Variants in KANK4 observed in about 807,000 individuals in gnomAD.
The protein encoded by KANK4 is KN motif and ankyrin repeat domain-containing protein 4.
In KANK4, 50 loss-of-function variants were observed where a neutral mutation model predicts 80.8. The ratio of observed to expected loss-of-function variants is 0.62; its 90% confidence interval spans 0.49 to 0.78. The LOEUF (loss-of-function observed/expected upper bound fraction) is 0.78. KANK4 is among the 30% of genes least tolerant of loss of function. KANK4 has a pLI of 0.00. For synonymous variants in KANK4, 465 were observed against 506.9 expected, an observed-to-expected ratio of 0.92 and a Z score of 1.11; for missense variants, 1,196 against 1,240.1, an observed-to-expected ratio of 0.96 and a Z score of 0.53.
At chr1:62,263,751 C>T (rs1281071509) in intron 6 of KANK4, among the ~76,000 whole-genome samples, 2 of 152,298 alleles carry the variant, frequency 1.3e-5, no homozygotes, top group African/African-American at 4.8e-5. Flanking sequence ...GCTGGAAAAT[C>T]GCAACATCTT....
At chr1:62,252,194 T>C (rs1671639404) in intron 8 of KANK4, among the ~76,000 whole-genome samples, 1 of 152,030 alleles carries the variant, frequency 6.6e-6, no homozygotes, top group African/African-American at 2.4e-5. Context: ...CTAGGTGACA[T>C]TTAAGGGCTC....
In KANK4 at chr1:62,274,531, A is replaced by AGGGAGGGC. The variant is rs1672259010; in HGVS notation, c.565_572dup (p.Leu193SerfsTer50). 6.2e-7 allele frequency: 1 copy of AGGGAGGGC among 1,613,884 alleles called. No individual in the cohort carries two copies. Among genetic ancestry groups the AGGGAGGGC allele is most frequent in the Admixed American group, 1.7e-5 (1 of 59,982 alleles). ...AGACACTGCCTTCACCCTGAAGGGG[A>AGGGAGGGC]GGGAGGGCAGGAGGGGCAGGGGGCC... On this transcript the variant is annotated frameshift_variant, in exon 3 of 10. Coordinates refer to ENST00000371153, the MANE Select transcript of KANK4 (RefSeq NM_181712.5). LOFTEE classifies it high-confidence loss of function.
rs542966086 is a variant in KANK4 at position 62,296,745 on chromosome 1, G to C, written c.-70-15111C>G. Among the ~76,000 whole-genome samples the C allele has an allele frequency of 4.3e-3, 652 of 151,980 alleles. 3 individuals are homozygous for C. Among genetic ancestry groups the C allele is most frequent in the African/African-American group, 0.01 (431 of 41,492 alleles). The stretch of plus-strand genomic sequence containing the variant: ...TTTTGAAACAGTGTTTTGGCATGTT[G>C]TCCAGGCTGGTCTTGAACTACTGGG... On this transcript the variant is annotated intron_variant, in intron 1 of 9. Coordinates refer to ENST00000371153, the MANE Select transcript of KANK4 (RefSeq NM_181712.5).
At chr1:62,318,200 C>T (rs1644558166) in intron 1 of KANK4, among the ~76,000 whole-genome samples, 1 of 152,160 alleles carries the variant, frequency 6.6e-6, no homozygotes, top group South Asian at 2.1e-4. Context: ...GGACTTTGCC[C>T]AGGCCTCAGG....
intron 1 of KANK4, among the ~76,000 whole-genome samples, chr1:62,305,885 C>A (rs1332203294): frequency 6.6e-6 from 1 of 152,178 alleles, no homozygotes; most frequent in Non-Finnish European, 1.5e-5. Flanking sequence ...AAGGAATTAT[C>A]ATCTCCATTT....
chr1:62,257,251 C>T (rs1025444630), intron 7 of KANK4, among the ~76,000 whole-genome samples: 6 of 152,126 alleles, frequency 3.9e-5, no homozygotes, highest in Non-Finnish European at 8.8e-5. Flanking sequence ...CCACGCCCGG[C>T]TCATTTTTGT....
At chr1:62,278,594 T>C (rs991433389) in intron 2 of KANK4, among the ~76,000 whole-genome samples, 1 of 151,288 alleles carries the variant, frequency 6.6e-6, no homozygotes. Context: ...GGGGTTTCAC[T>C]ATTTTGGCCA....
chr1:62,292,014 T>A (rs1672690118), intron 1 of KANK4, among the ~76,000 whole-genome samples: 1 of 152,140 alleles, frequency 6.6e-6, no homozygotes, highest in Non-Finnish European at 1.5e-5. Flanking sequence ...AATGCCCTAC[T>A]CGTTAGCAGT....
intron 9 of KANK4, among the ~76,000 whole-genome samples, chr1:62,241,857 C>A (rs566296850): frequency 6.6e-6 from 1 of 152,126 alleles, no homozygotes; most frequent in Admixed American, 6.6e-5. Flanking sequence ...ACAGTGTTTA[C>A]GGAGAAGAGC....
chr1:62,262,660 T>G (rs1570984492), intron 7 of KANK4, among the ~76,000 whole-genome samples: 1 of 152,260 alleles, frequency 6.6e-6, no homozygotes, highest in Non-Finnish European at 1.5e-5. Flanking sequence ...CATACATACA[T>G]TCCACGGAAT....
At chr1:62,279,231 CACACACACACAG>C (rs1260628909) in intron 2 of KANK4, among the ~76,000 whole-genome samples, 2,847 of 151,702 alleles carry the variant, frequency 0.019, 89 homozygotes, top group African/African-American at 0.062. Flanking sequence ...CACACACACA[CACACACACACAG>C]AGTGATCCAT....
chr1:62,266,825 T>C lies in KANK4; in HGVS notation c.2232-6A>G, dbSNP rs752161566. 1 of 1,546,286 alleles carries C rather than the reference T, an allele frequency of 6.5e-7. No individual in the cohort carries two copies. The stretch of plus-strand genomic sequence containing the variant: ...ATTCTTCTGAGGGTTTATATCTAAA[T>C]AAAACAAACATATATACACATATTT... On this transcript the variant is annotated splice_polypyrimidine_tract_variant and splice_region_variant and intron_variant, in intron 5 of 9. Coordinates refer to ENST00000371153, the MANE Select transcript of KANK4 (RefSeq NM_181712.5).
intron 9 of KANK4, among the ~76,000 whole-genome samples, chr1:62,244,019 C>T (rs1335445369): frequency 6.6e-6 from 1 of 151,920 alleles, no homozygotes; most frequent in African/African-American, 2.4e-5. Context: ...TTACCATCCC[C>T]TGTGTGCTCC....
intron 1 of KANK4, among the ~76,000 whole-genome samples, chr1:62,311,997 TA>T (rs1259730474): frequency 6.6e-6 from 1 of 152,164 alleles, no homozygotes; most frequent in Non-Finnish European, 1.5e-5. Context: ...TCGGGGGTCT[TA>T]ACCTTTTTTG....
intron 1 of KANK4, among the ~76,000 whole-genome samples, chr1:62,283,748 G>C (rs1672501858): frequency 1.3e-5 from 2 of 152,098 alleles, no homozygotes; most frequent in Admixed American, 1.3e-4. Context: ...CTGGACTTTT[G>C]GCTTCACAAA....
rs61573295 is a variant in KANK4 at position 62,276,777 on chromosome 1, C to CAAAAAAAAA, written c.17-1691_17-1690insTTTTTTTTT. On this transcript the variant is annotated intron_variant, in intron 2 of 9. Coordinates refer to ENST00000371153, the MANE Select transcript of KANK4 (RefSeq NM_181712.5). Reference sequence around the variant, plus strand: ...GGGCAACGATAGCAAAACTCCATCTCAAAAATAAGACTATTGTGAGGACTA... The same window carrying CAAAAAAAAA: ...GGGCAACGATAGCAAAACTCCATCTCAAAAAAAAAAAAAATAAGACTATTGTGAGGACTA... Among the ~76,000 whole-genome samples, 67 of 138,970 alleles carry CAAAAAAAAA rather than the reference C, an allele frequency of 4.8e-4. 5 individuals carry two copies. The highest frequency in any genetic ancestry group is 6.1e-4 in the Non-Finnish European group (40 of 65,128). 91.2% of individuals were successfully genotyped at this position (138,970 alleles called of 152,430 possible).
intron 8 of KANK4, among the ~76,000 whole-genome samples, chr1:62,252,085 G>A (rs576942441): frequency 1.3e-5 from 2 of 152,182 alleles, no homozygotes; most frequent in East Asian, 3.9e-4. Flanking sequence ...TACTTTGGTA[G>A]TGCATGAGTT....
At chr1:62,238,459 T>C (rs1207726784) in intron 9 of KANK4, 78 bp from the exon 10 acceptor site, 1 of 1,251,098 alleles carries the variant, frequency 8.0e-7, no homozygotes, top group Non-Finnish European at 1.2e-6. Flanking sequence ...AAGTTGGGAG[T>C]AGAGGGTATG....
chr1:62,241,823 T>C (rs1671348392), intron 9 of KANK4, among the ~76,000 whole-genome samples: 1 of 152,164 alleles, frequency 6.6e-6, no homozygotes, highest in South Asian at 2.1e-4. Flanking sequence ...CCTAAGCCTC[T>C]ATGTAAACAC....
Sources: allele counts gnomAD v4.1 joint callset (sites outside exome capture counted in the v4.1 genomes callset), GRCh38; gene constraint gnomAD v4.1.1; transcripts MANE v1.5; gene names NCBI Gene and HGNC (gene_info 2026-07-23, HGNC 2026-07-21).